The following PON3 variants were observed in gnomAD, a reference collection of about 807,000 sequenced individuals.
PON3 encodes serum paraoxonase/lactonase 3.
A neutral mutation model predicts 36.3 loss-of-function variants in PON3; 37 were observed. That is an observed-to-expected ratio of 1.02 (90% CI 0.78 to 1.34). The LOEUF is 1.34. Ranked by LOEUF, PON3 falls within the 40% of genes most tolerant of loss-of-function variation. The pLI, the probability that PON3 is intolerant of heterozygous loss-of-function variation, is 0.00. For missense variants in PON3, 415 were observed against 426.5 expected (o/e 0.97, Z 0.24); for synonymous variants, 155 against 154.8 (o/e 1.00, Z -0.01).
At chr7:95,382,318 C>A (rs1164642906) in intron 3 of PON3, among the ~76,000 whole-genome samples, 2 of 152,062 alleles carry the variant, frequency 1.3e-5, no homozygotes, top group African/African-American at 4.8e-5. Context: ...CAAACACATT[C>A]AAAAGCTAGC....
chr7:95,391,329 C>T (rs1352590987), intron 2 of PON3, among the ~76,000 whole-genome samples: 2 of 152,248 alleles, frequency 1.3e-5, no homozygotes, highest in East Asian at 3.9e-4. Context: ...ATACAGAGGC[C>T]ACCTACTCGA....
At position 95,367,505 on chromosome 7, in the gene PON3, G is replaced by T; in HGVS notation, c.368-17C>A. 6.2e-7 allele frequency: 1 copy of T among 1,611,608 alleles called. No homozygotes were observed. The highest frequency in any genetic ancestry group is 8.5e-7 in the Non-Finnish European group (1 of 1,178,808). ...CAGTATTGTCTACATGGAAAAAAGGGATAATTTCCAAGAAAGTTACCCCTA... is the reference window on the plus strand; with the variant it reads ...CAGTATTGTCTACATGGAAAAAAGGTATAATTTCCAAGAAAGTTACCCCTA... On this transcript the variant is annotated splice_polypyrimidine_tract_variant and intron_variant, in intron 4 of 8. Transcript: ENST00000265627.
intron 2 of PON3, among the ~76,000 whole-genome samples, chr7:95,392,175 C>G (rs1809333658): frequency 3.9e-5 from 6 of 152,212 alleles, no homozygotes; most frequent in Admixed American, 3.9e-4. Context: ...ACATATATAT[C>G]AGTATTGTCC....
At chr7:95,373,614 C>T (rs1808855263) in intron 3 of PON3, among the ~76,000 whole-genome samples, 1 of 152,152 alleles carries the variant, frequency 6.6e-6, no homozygotes, top group Admixed American at 6.5e-5. Context: ...TTCCTTATCA[C>T]ATTCTGTGCG....
intron 3 of PON3, among the ~76,000 whole-genome samples, chr7:95,384,393 A>T (rs748610343): frequency 6.6e-6 from 1 of 152,192 alleles, no homozygotes; most frequent in Non-Finnish European, 1.5e-5. Context: ...ATAGCAAAAG[A>T]AACTACCATC....
intron 4 of PON3, among the ~76,000 whole-genome samples, chr7:95,370,491 G>A (rs970132905): frequency 1.3e-5 from 2 of 152,152 alleles, no homozygotes; most frequent in Non-Finnish European, 2.9e-5. Flanking sequence ...TATGAAAATA[G>A]TTTGTATACT....
In PON3 at chr7:95,359,953, T is replaced by C; in HGVS notation, c.*20A>G. ...TACAAAATATGTAGACTTTTTTTTT[T>C]TTTTTTTACTATCTAGAGTCTAGAG... is the stretch of plus-strand genomic sequence containing the variant. On this transcript the variant is annotated 3_prime_UTR_variant, in exon 9 of 9. Transcript: ENST00000265627. The C allele has an allele frequency of 3.2e-6, 5 of 1,585,292 alleles. No homozygotes were observed. The highest frequency in any genetic ancestry group is 4.3e-6 in the Non-Finnish European group (5 of 1,171,534).
chr7:95,372,298 T>G lies in PON3; in HGVS notation c.242A>C (p.Glu81Ala), dbSNP rs1308541728. ...ATCCATCAAGAAGATTTTTCCTGGT[T>G]CATCTGGCGCAAAGTTTGGCATGCC... Reference protein sequence around the residue: ...YPGMPNFAPDEPGKIFLMDLN... With the variant: ...YPGMPNFAPDAPGKIFLMDLN... Residue 81 changes from glutamate (E) to alanine (A), a missense_variant, in exon 4 of 9, where the codon GAA (glutamate) becomes GCA (alanine). Coordinates refer to ENST00000265627, the MANE Select transcript of PON3 (RefSeq NM_000940.3). 2 of 1,613,864 alleles carry G rather than the reference T, an allele frequency of 1.2e-6. No individual in the cohort carries two copies. Among genetic ancestry groups the G allele is most frequent in the Non-Finnish European group, 1.7e-6 (2 of 1,179,898 alleles).
At chr7:95,362,690 C>T in intron 7 of PON3, 70 bp downstream of exon 7, 5 of 1,424,378 alleles carry the variant, frequency 3.5e-6, no homozygotes, top group Non-Finnish European at 5.0e-6. Flanking sequence ...ATTCAAGGGG[C>T]ACATTCCTGG....
At chr7:95,386,917 CT>C (rs1809204596) in intron 3 of PON3, among the ~76,000 whole-genome samples, 1 of 152,116 alleles carries the variant, frequency 6.6e-6, no homozygotes, top group Admixed American at 6.5e-5. Flanking sequence ...CAGAAAAGGC[CT>C]TCGACAAAAT....
At chr7:95,378,035 AG>A (rs1808959677) in intron 3 of PON3, among the ~76,000 whole-genome samples, 1 of 152,232 alleles carries the variant, frequency 6.6e-6, no homozygotes, top group African/African-American at 2.4e-5. Context: ...ATGGATAACT[AG>A]AATAAGCAGT....
In PON3 at chr7:95,362,447, G is replaced by A. The variant is rs1197754894; in HGVS notation, c.821C>T (p.Pro274Leu). 2.5e-6 allele frequency: 4 copies of A among 1,613,714 alleles called. No homozygotes were observed. The Admixed American group carries it at 6.7e-5, about 27-fold the overall frequency. Residue 274 changes from proline (P) to leucine (L), a missense_variant, in exon 8 of 9, where the codon CCT (proline) becomes CTT (leucine). Transcript: ENST00000265627. Reference protein sequence around the residue: ...GTLVDNLTVDPATGDILAGCH... With the variant: ...GTLVDNLTVDLATGDILAGCH... The stretch of plus-strand genomic sequence containing the variant: ...TCCTGCCAAAATGTCTCCTGTGGCA[G>A]GATCGACAGTCAGGTTATCCACTAA...
intron 8 of PON3, 68 bp downstream of exon 8, chr7:95,362,294 T>A (rs1194426525): frequency 6.3e-7 from 1 of 1,592,158 alleles, no homozygotes; most frequent in African/African-American, 1.3e-5. Flanking sequence ...CTTAAATTCT[T>A]CCAAGTCACC....
At chr7:95,376,245 C>G (rs1223175487) in intron 3 of PON3, among the ~76,000 whole-genome samples, 1 of 152,198 alleles carries the variant, frequency 6.6e-6, no homozygotes, top group Non-Finnish European at 1.5e-5. Context: ...TGGGAGTTAG[C>G]TGGCAAAGTG....
chr7:95,368,814 C>CAAAAAAAAAAAAA (rs11388951), intron 4 of PON3, among the ~76,000 whole-genome samples: 8 of 133,110 alleles, frequency 6.0e-5, no homozygotes, highest in South Asian at 2.3e-4. Flanking sequence ...CAAAAACAAA[C>CAAAAAAAAAAAAA]AAAAAAAAAA....
intron 3 of PON3, among the ~76,000 whole-genome samples, chr7:95,384,759 A>C (rs1809148942): frequency 6.6e-6 from 1 of 152,234 alleles, no homozygotes; most frequent in African/African-American, 2.4e-5. Context: ...GGGACTGTAA[A>C]CTAGTTCAAC....
chr7:95,360,099 C>G lies in PON3; in HGVS notation c.939G>C (p.Lys313Asn), dbSNP rs374135902. 50 of 1,613,718 alleles carry G rather than the reference C, an allele frequency of 3.1e-5. No individual in the cohort carries two copies. Among genetic ancestry groups the G allele is most frequent in the Non-Finnish European group, 3.9e-5 (46 of 1,179,770 alleles). The change falls in exon 9 of 9, where the codon AAG (lysine) becomes AAC (asparagine). Residue 313 changes from lysine to asparagine, a missense_variant. Transcript: ENST00000265627. ...VLRIQNVLSE[K>N]PRVSTVYANN... Reference sequence around the variant, plus strand: ...TGGCATACACGGTGCTCACCCTGGGCTTCTCAGACAAAACATTCTGGATGC... The same window carrying G: ...TGGCATACACGGTGCTCACCCTGGGGTTCTCAGACAAAACATTCTGGATGC...
chr7:95,367,484 A>T lies in PON3; in HGVS notation c.372T>A (p.Asn124Lys), dbSNP rs1808724154. The change falls in exon 5 of 9, where the codon AAT (asparagine) becomes AAA (lysine). Residue 124 changes from asparagine (N) to lysine (K), a missense_variant. Physicochemically the swap from Asn to Lys is moderately conservative, Grantham distance 94. Coordinates refer to ENST00000265627, the MANE Select transcript of PON3 (RefSeq NM_000940.3). ...HGISIFIDKDNTVYLYVVNHP... is the reference protein window; with the variant it reads ...HGISIFIDKDKTVYLYVVNHP... Reference sequence around the variant, plus strand: ...GATTCACAACATAAAGATACACAGTATTGTCTACATGGAAAAAAGGGATAA... The same window carrying T: ...GATTCACAACATAAAGATACACAGTTTTGTCTACATGGAAAAAAGGGATAA... 6.2e-7 allele frequency: 1 copy of T among 1,612,742 alleles called. No individual in the cohort carries two copies. The highest frequency in any genetic ancestry group is 1.1e-5 in the South Asian group (1 of 91,064).
intron 6 of PON3, 23 bp from the exon 7 acceptor site, chr7:95,362,864 A>T: frequency 6.5e-7 from 1 of 1,541,730 alleles, no homozygotes; most frequent in Non-Finnish European, 9.0e-7. Flanking sequence ...TGACATTTAC[A>T]CTTAAGCAAG....
Sources: allele counts gnomAD v4.1 joint callset (sites outside exome capture counted in the v4.1 genomes callset), GRCh38; gene constraint gnomAD v4.1.1; transcripts MANE v1.5; gene names NCBI Gene and HGNC (gene_info 2026-07-23, HGNC 2026-07-21).